CNTLN: variants seen among roughly 807,000 people sequenced by gnomAD.
CNTLN encodes centlein.
CNTLN carries 212 observed loss-of-function variants against 180.0 expected under a neutral mutation model. The ratio of observed to expected loss-of-function variants is 1.18; its 90% CI spans 1.05 to 1.32. The LOEUF is 1.32. CNTLN is among the 40% of genes most tolerant of loss of function. CNTLN has a pLI of 0.00. For missense variants in CNTLN, 2,095 were observed against 1,610.9 expected (o/e 1.30, Z -5.14); for synonymous variants, 722 against 563.1 (o/e 1.28, Z -3.99).
chr9:17,200,448 T>C (rs1336815208), intron 2 of CNTLN, among the ~76,000 whole-genome samples: 3 of 152,206 alleles, frequency 2.0e-5, no homozygotes, highest in African/African-American at 7.2e-5. Context: ...TTTTACGATA[T>C]TGATTCTTCC....
chr9:17,202,658 T>G (rs867043895), intron 2 of CNTLN, among the ~76,000 whole-genome samples: 7 of 146,368 alleles, frequency 4.8e-5, no homozygotes, highest in East Asian at 2.1e-4. Context: ...TTTTTTTTTT[T>G]TTTTTTTTTT....
chr9:17,321,750 A>G (rs371785071), intron 8 of CNTLN, among the ~76,000 whole-genome samples: 1 of 152,136 alleles, frequency 6.6e-6, no homozygotes, highest in African/African-American at 2.4e-5. Flanking sequence ...CTTTTGTCAT[A>G]CTTTAGTTGC....
At chr9:17,167,131 A>G (rs1477579210) in intron 2 of CNTLN, 11 of 185,842 alleles carry the variant, frequency 5.9e-5, no homozygotes. Context: ...AATAAAAGTG[A>G]CATAATTTTT....
At chr9:17,285,009 T>C (rs1828893279) in intron 6 of CNTLN, among the ~76,000 whole-genome samples, 1 of 151,954 alleles carries the variant, frequency 6.6e-6, no homozygotes, top group African/African-American at 2.4e-5. Flanking sequence ...TAATTTTTTT[T>C]TTTTTTAATT....
At chr9:17,216,800 C>T (rs1823788178) in intron 2 of CNTLN, among the ~76,000 whole-genome samples, 1 of 152,268 alleles carries the variant, frequency 6.6e-6, no homozygotes, top group East Asian at 1.9e-4. Context: ...GTGTATTAAG[C>T]CAACATAGGC....
intron 5 of CNTLN, among the ~76,000 whole-genome samples, chr9:17,250,614 T>C (rs1204347240): frequency 2.6e-5 from 4 of 152,142 alleles, no homozygotes; most frequent in Non-Finnish European, 4.4e-5. Context: ...TACAAAACTG[T>C]TCTCCTCTAC....
intron 24 of CNTLN, among the ~76,000 whole-genome samples, chr9:17,486,654 C>T (rs1389876636): frequency 6.6e-6 from 1 of 152,048 alleles, no homozygotes; most frequent in Non-Finnish European, 1.5e-5. Flanking sequence ...TGAGAGTCAC[C>T]TGTAAATGAT....
chr9:17,345,130 G>T (rs554369648), intron 12 of CNTLN, among the ~76,000 whole-genome samples: 10 of 152,140 alleles, frequency 6.6e-5, no homozygotes, highest in Non-Finnish European at 8.8e-5. Context: ...GAACATTTGG[G>T]TTTTTTCTAG....
rs369588648 is a variant in CNTLN at position 17,332,620 on chromosome 9, C to T, written c.1534C>T (p.Arg512Cys). ...TATTCTCGAGGAACCACCTGTGAAA[C>T]GTTCAAGGTCTTTGTCCCCAAAGAG... ...EGKHKEPPVK[R>C]SRSLSPKSSF... Residue 512 changes from arginine to cysteine, a missense_variant, in exon 10 of 26, where the codon CGT becomes TGT. By Grantham distance (180) the Arg-to-Cys change is radical (BLOSUM62 -3). Coordinates refer to ENST00000380647, the MANE Select transcript of CNTLN (RefSeq NM_017738.4). 176 of 1,606,276 alleles carry T rather than the reference C, an allele frequency of 1.1e-4. No individual in the cohort carries two copies. The African/African-American group carries it at 1.9e-3, about 17-fold the overall frequency.
At chr9:17,158,120 T>C (rs897174339) in intron 2 of CNTLN, among the ~76,000 whole-genome samples, 1 of 152,326 alleles carries the variant, frequency 6.6e-6, no homozygotes. Flanking sequence ...AGATAAGGGA[T>C]ACCCAACCTG....
chr9:17,487,319 T>C (rs1177934516), intron 25 of CNTLN: 1 of 446,656 alleles, frequency 2.2e-6, no homozygotes, highest in Non-Finnish European at 4.0e-6. Context: ...TGAGTCAACC[T>C]CTGTGCTTGC....
chr9:17,139,452 G>T (rs1264600545), intron 1 of CNTLN, among the ~76,000 whole-genome samples: 4 of 151,786 alleles, frequency 2.6e-5, no homozygotes, highest in Non-Finnish European at 4.4e-5. Flanking sequence ...CTTGAGGTTG[G>T]GAGTTTGAGA....
chr9:17,307,396 G>T (rs1465641775), intron 7 of CNTLN, among the ~76,000 whole-genome samples: 1 of 151,986 alleles, frequency 6.6e-6, no homozygotes, highest in African/African-American at 2.4e-5. Context: ...ACCCTTCCAA[G>T]TAGCTGGGAC....
chr9:17,461,390 C>A (rs941987297), intron 19 of CNTLN, among the ~76,000 whole-genome samples: 1 of 151,574 alleles, frequency 6.6e-6, no homozygotes, highest in Admixed American at 6.6e-5. Flanking sequence ...TCACTGTAAA[C>A]GTGCAAAATA....
intron 18 of CNTLN, among the ~76,000 whole-genome samples, chr9:17,431,369 C>G (rs1329704679): frequency 6.6e-6 from 1 of 151,906 alleles, no homozygotes; most frequent in Non-Finnish European, 1.5e-5. Flanking sequence ...AATGTCTGTT[C>G]AAATCTTTTG....
intron 25 of CNTLN, 63 bp from the exon 26 acceptor site, chr9:17,502,488 A>T: frequency 1.4e-6 from 1 of 733,184 alleles, no homozygotes; most frequent in Non-Finnish European, 2.2e-6. Context: ...AATAATATTT[A>T]GTATGTTTTT....
At chr9:17,408,529 C>T (rs937473708) in intron 15 of CNTLN, among the ~76,000 whole-genome samples, 1 of 151,808 alleles carries the variant, frequency 6.6e-6, no homozygotes, top group African/African-American at 2.4e-5. Context: ...CGGCTGGGTG[C>T]AGTGGCTCAT....
At chr9:17,277,791 T>C (rs920921306) in intron 6 of CNTLN, among the ~76,000 whole-genome samples, 2 of 152,076 alleles carry the variant, frequency 1.3e-5, no homozygotes, top group Non-Finnish European at 2.9e-5. Flanking sequence ...GCACATATAA[T>C]GAAAAATGTG....
intron 18 of CNTLN, among the ~76,000 whole-genome samples, chr9:17,422,866 T>C (rs1396201127): frequency 6.6e-6 from 1 of 152,190 alleles, no homozygotes; most frequent in Non-Finnish European, 1.5e-5. Context: ...GTGAAGGCTT[T>C]CTAGATATTC....
Sources: allele counts gnomAD v4.1 joint callset (sites outside exome capture counted in the v4.1 genomes callset), GRCh38; gene constraint gnomAD v4.1.1; transcripts MANE v1.5; gene names NCBI Gene and HGNC (gene_info 2026-07-23, HGNC 2026-07-21).